EPB41L5: variants seen among roughly 807,000 people sequenced by gnomAD.
EPB41L5 encodes band 4.1-like protein 5.
In EPB41L5, 55 loss-of-function variants were observed where a neutral mutation model predicts 106.6. The observed-to-expected ratio is 0.52, with a 90% CI of 0.42 to 0.65. The LOEUF (loss-of-function observed/expected upper bound fraction) is 0.65, where lower values mean the gene tolerates loss of function less well. EPB41L5 is among the 30% of genes least tolerant of loss of function. EPB41L5 has a pLI of 0.00. For missense variants in EPB41L5, 871 were observed against 882.1 expected (o/e 0.99, Z 0.16); for synonymous variants, 297 against 306.7 (o/e 0.97, Z 0.33).
chr2:120,165,139 A>G (rs1038757474), intron 22 of EPB41L5, among the ~76,000 whole-genome samples: 4 of 152,234 alleles, frequency 2.6e-5, no homozygotes, highest in African/African-American at 9.6e-5. Flanking sequence ...TTATAATTCA[A>G]CATCATATTA....
intron 20 of EPB41L5, among the ~76,000 whole-genome samples, chr2:120,147,925 A>G (rs1686481655): frequency 6.6e-6 from 1 of 152,140 alleles, no homozygotes; most frequent in African/African-American, 2.4e-5. Flanking sequence ...GTTCTTATAT[A>G]AACATGGGTG....
intron 1 of EPB41L5, among the ~76,000 whole-genome samples, chr2:120,014,206 C>T (rs1191402717): frequency 1.3e-5 from 2 of 152,198 alleles, no homozygotes; most frequent in African/African-American, 4.8e-5. Flanking sequence ...TAAGAGTATA[C>T]ATATTTCATG....
intron 3 of EPB41L5, among the ~76,000 whole-genome samples, chr2:120,042,636 G>C (rs748897358): frequency 6.6e-6 from 1 of 152,162 alleles, no homozygotes; most frequent in Non-Finnish European, 1.5e-5. Context: ...TCAAATAACT[G>C]ATTACTATAT....
chr2:120,176,638 T>C lies in EPB41L5; in HGVS notation c.*1731T>C, dbSNP rs1331060892. 2 of 152,214 alleles carry C rather than the reference T, an allele frequency of 1.3e-5. No homozygotes were observed. The highest frequency in any genetic ancestry group is 4.8e-5 in the African/African-American group (2 of 41,448). 9.4% of individuals were successfully genotyped at this position (152,214 alleles called of 1,614,324 possible). ...CACTGGTGGGGCTCTTGCCAGTTCT[T>C]AATTATAGGACATATTTTCTCAAAG... On this transcript the variant is annotated 3_prime_UTR_variant, in exon 25 of 25. Coordinates refer to ENST00000263713, the MANE Select transcript of EPB41L5 (RefSeq NM_020909.4).
At chr2:120,167,848 G>A in intron 23 of EPB41L5, 29 bp from the exon 24 acceptor site, 2 of 1,613,922 alleles carry the variant, frequency 1.2e-6, no homozygotes, top group Non-Finnish European at 1.7e-6. Flanking sequence ...TTGTTACCCT[G>A]TATTTAGTTG....
At chr2:120,019,013 G>T in intron 1 of EPB41L5, 64 bp from the exon 2 acceptor site, 2 of 1,379,980 alleles carry the variant, frequency 1.4e-6, no homozygotes, top group South Asian at 1.3e-5. Flanking sequence ...CCATTTGACT[G>T]ACTGCAAGTT....
At chr2:120,050,640 A>C (rs1021884531) in intron 3 of EPB41L5, among the ~76,000 whole-genome samples, 1 of 152,198 alleles carries the variant, frequency 6.6e-6, no homozygotes, top group African/African-American at 2.4e-5. Context: ...GATCGTCTGA[A>C]GCCTACTTCT....
rs1451263249 is a variant in EPB41L5, at chr2:120,077,062, G to C, written c.597G>C (p.Leu199=). ...FVPIQTEEME[L]AIFEKWKEYR... is the part of the protein sequence containing the mutation. ...CTATTCAGACTGAAGAGATGGAACT[G>C]GCTATTTTTGAGAAATGGAAGGAAT... is the stretch of plus-strand genomic sequence containing the variant. Residue 199 remains leucine (L), a synonymous_variant, in exon 8 of 25, where the codon CTG becomes CTC. Transcript: ENST00000263713. 1.9e-6 allele frequency: 3 copies of C among 1,612,992 alleles called. No individual in the cohort carries two copies. Among genetic ancestry groups the C allele is most frequent in the Non-Finnish European group, 2.5e-6 (3 of 1,179,432 alleles).
chr2:120,119,337 G>A (rs754296481), intron 16 of EPB41L5, among the ~76,000 whole-genome samples: 2 of 151,816 alleles, frequency 1.3e-5, no homozygotes, highest in Non-Finnish European at 2.9e-5. Flanking sequence ...TGTTTTTGCT[G>A]TACAGAAGCT....
At chr2:120,131,347 C>A (rs1272476115) in intron 17 of EPB41L5, among the ~76,000 whole-genome samples, 2 of 152,150 alleles carry the variant, frequency 1.3e-5, no homozygotes, top group African/African-American at 2.4e-5. Flanking sequence ...CCTTCTTAAC[C>A]ACACATGCTA....
intron 20 of EPB41L5, among the ~76,000 whole-genome samples, chr2:120,146,852 C>T (rs546119111): frequency 1.3e-5 from 2 of 152,240 alleles, no homozygotes; most frequent in East Asian, 1.9e-4. Flanking sequence ...CAAATAAATG[C>T]TGTTTCTTTT....
chr2:120,103,238 T>C (rs1273281038), intron 16 of EPB41L5, among the ~76,000 whole-genome samples: 1 of 152,226 alleles, frequency 6.6e-6, no homozygotes, highest in Middle Eastern at 3.2e-3. Context: ...CTTTCTGCCA[T>C]GTCACAAGAC....
intron 2 of EPB41L5, among the ~76,000 whole-genome samples, chr2:120,029,287 C>T (rs1302986707): frequency 6.6e-6 from 1 of 152,148 alleles, no homozygotes; most frequent in Non-Finnish European, 1.5e-5. Context: ...GCCTCAGCCT[C>T]TCAAGTAGCT....
chr2:120,045,022 A>G (rs1558820452), intron 3 of EPB41L5, among the ~76,000 whole-genome samples: 1 of 152,236 alleles, frequency 6.6e-6, no homozygotes, highest in Non-Finnish European at 1.5e-5. Flanking sequence ...TTGTGTGGCC[A>G]TATTCAACCT....
chr2:120,021,636 A>G (rs1481706766), intron 2 of EPB41L5, among the ~76,000 whole-genome samples: 1 of 152,166 alleles, frequency 6.6e-6, no homozygotes, highest in Non-Finnish European at 1.5e-5. Flanking sequence ...GCGAGACTCC[A>G]TCTCAAAAAA....
chr2:120,091,422 AT>A, intron 12 of EPB41L5, 132 bp from the exon 13 acceptor site: 1 of 627,084 alleles, frequency 1.6e-6, no homozygotes, highest in Non-Finnish European at 2.9e-6. Context: ...GATCGAGACT[AT>A]TAGTAGCTGT....
chr2:120,096,654 G>T (rs1165654281), intron 14 of EPB41L5, among the ~76,000 whole-genome samples: 1 of 152,170 alleles, frequency 6.6e-6, no homozygotes, highest in Non-Finnish European at 1.5e-5. Context: ...GCTGGGCGTG[G>T]TGGTGCGCGC....
At chr2:120,059,586 C>T (rs549882419) in intron 3 of EPB41L5, among the ~76,000 whole-genome samples, 140 of 152,260 alleles carry the variant, frequency 9.2e-4, no homozygotes, top group African/African-American at 3.2e-3. Context: ...CACATCTGAC[C>T]AGGAACTCGT....
intron 3 of EPB41L5, among the ~76,000 whole-genome samples, chr2:120,065,141 TG>T (rs2105294571): frequency 6.6e-6 from 1 of 152,270 alleles, no homozygotes; most frequent in South Asian, 2.1e-4. Flanking sequence ...ATTTTAGAGA[TG>T]GGGTCTTGTT....
Sources: gnomAD v4.1 joint callset for allele counts (sites outside exome capture counted in the v4.1 genomes callset) on GRCh38, gnomAD v4.1.1 for gene constraint, MANE v1.5 for transcripts, NCBI Gene and HGNC (gene_info 2026-07-23, HGNC 2026-07-21) for gene names.